The following ETF1 variants were observed in gnomAD, a reference collection of about 807,000 sequenced individuals.
ETF1 encodes the protein eukaryotic peptide chain release factor subunit 1.
Under a neutral mutation model 55.1 loss-of-function variants are expected in ETF1, and 4 were observed. That is an observed-to-expected ratio of 0.07 (90% CI 0.04 to 0.17). The LOEUF (loss-of-function observed/expected upper bound fraction) is 0.17. ETF1 is among the 10% of genes least tolerant of loss of function. The probability of loss-of-function intolerance (pLI) is 1.00; values close to 1 mark genes in which losing one functional copy is unlikely to be tolerated. For synonymous variants in ETF1, 157 were observed against 182.3 expected (o/e 0.86, Z 1.12); for missense variants, 142 against 523.6 (o/e 0.27, Z 7.11).
chr5:138,542,782 G>A (rs1277622567), intron 2 of ETF1, 51 bp downstream of exon 2: 1 of 1,603,136 alleles, frequency 6.2e-7, no homozygotes, highest in Admixed American at 1.7e-5. Context: ...CGTCCATCCT[G>A]AGGGGTCCGG....
At chr5:138,542,666 A>G in intron 2 of ETF1, 167 bp downstream of exon 2, 1 of 1,439,278 alleles carries the variant, frequency 6.9e-7, no homozygotes, top group Non-Finnish European at 9.1e-7. Context: ...TTCTCGGGCC[A>G]ACCGCGCCGA....
intron 2 of ETF1, among the ~76,000 whole-genome samples, chr5:138,525,674 G>A (rs889955993): frequency 4.6e-5 from 7 of 152,010 alleles, no homozygotes; most frequent in African/African-American, 1.4e-4. Flanking sequence ...GGCCAGGCGC[G>A]GTAGCTCATA....
In ETF1 at chr5:138,511,523, T is replaced by C. The variant is rs1453087543; in HGVS notation, c.814A>G (p.Thr272Ala). 5 of 1,613,598 alleles carry C rather than the reference T, an allele frequency of 3.1e-6. No homozygotes were observed. Among genetic ancestry groups the C allele is most frequent in the African/African-American group, 2.7e-5 (2 of 74,894 alleles). ...NGFNQAIELSTEVLSNVKFIQ... is the reference protein window; with the variant it reads ...NGFNQAIELSAEVLSNVKFIQ... ...AATTTCACGTTGGAGAGGACTTCAGTAGATAACTCAATAGCTTGGTTGAAT... is the reference window on the plus strand; with the variant it reads ...AATTTCACGTTGGAGAGGACTTCAGCAGATAACTCAATAGCTTGGTTGAAT... The change falls in exon 7 of 11, where the codon ACT becomes GCT. Residue 272 changes from threonine to alanine, a missense_variant. Physicochemically the swap from Thr to Ala is moderately conservative, Grantham distance 58 (BLOSUM62 0). Transcript: ENST00000360541.
At chr5:138,519,136 A>G (rs2127084796) in intron 2 of ETF1, 2 of 984,520 alleles carry the variant, frequency 2.0e-6, no homozygotes, top group South Asian at 4.7e-5. Context: ...GAAACACCTC[A>G]TTTCCTAAAG....
intron 9 of ETF1, 116 bp downstream of exon 9, chr5:138,510,449 G>A: frequency 9.5e-6 from 4 of 419,410 alleles, no homozygotes; most frequent in South Asian, 2.2e-5. Context: ...ACCTCCCACA[G>A]CACCCCCAAT....
intron 2 of ETF1, chr5:138,542,522 G>A (rs892930959): frequency 6.9e-6 from 6 of 870,736 alleles, no homozygotes; most frequent in African/African-American, 1.8e-5. Context: ...GCAGCACCTG[G>A]AGCCCGAAGA....
chr5:138,533,053 C>A (rs1234075333), intron 2 of ETF1, among the ~76,000 whole-genome samples: 2 of 152,060 alleles, frequency 1.3e-5, no homozygotes, highest in Admixed American at 6.6e-5. Context: ...AATTCTCTTG[C>A]CTCAGCCTCC....
chr5:138,539,741 T>C (rs1766095958), intron 2 of ETF1, among the ~76,000 whole-genome samples: 1 of 152,230 alleles, frequency 6.6e-6, no homozygotes, highest in Non-Finnish European at 1.5e-5. Context: ...TAAATGCTCT[T>C]CTACACACGT....
At position 138,537,938 on chromosome 5, in the gene ETF1, G is replaced by A. The variant is rs1189908013; in HGVS notation, c.86+4895C>T. 2.7e-5 allele frequency among the ~76,000 whole-genome samples: 4 copies of A among 147,432 alleles called. 1 individual carries two copies. The highest frequency in any genetic ancestry group is 2.0e-4 in the East Asian group (1 of 5,094). On this transcript the variant is annotated intron_variant, in intron 2 of 10. Coordinates refer to ENST00000360541, the MANE Select transcript of ETF1 (RefSeq NM_004730.4). ...ACTGAGTTTTGCTCTTGTTGCCCAG[G>A]CTGGAGTGCAATGGCGCAATCTCGG...
At chr5:138,535,278 A>C (rs370611403) in intron 2 of ETF1, among the ~76,000 whole-genome samples, 12 of 151,908 alleles carry the variant, frequency 7.9e-5, no homozygotes, top group African/African-American at 2.7e-4. Flanking sequence ...GAAGAAGAAG[A>C]AAGCATTAGT....
chr5:138,523,394 C>T (rs1486159915), intron 2 of ETF1, among the ~76,000 whole-genome samples: 12 of 151,732 alleles, frequency 7.9e-5, no homozygotes, highest in African/African-American at 1.5e-4. Flanking sequence ...ATTAGCCGAG[C>T]GTGGTGGCAT....
intron 5 of ETF1, 83 bp from the exon 6 acceptor site, chr5:138,513,037 C>T: frequency 7.0e-7 from 1 of 1,423,436 alleles, no homozygotes; most frequent in Non-Finnish European, 9.1e-7. Context: ...ATAATCATGT[C>T]ATCATCTAAG....
intron 2 of ETF1, among the ~76,000 whole-genome samples, chr5:138,532,437 A>G (rs1414094862): frequency 1.3e-5 from 2 of 152,194 alleles, no homozygotes; most frequent in Non-Finnish European, 2.9e-5. Context: ...GAGATCATAT[A>G]TGTCAAGTGC....
rs1206198055 is a variant in ETF1 at position 138,507,529 on chromosome 5, G to A, written c.*776C>T. On this transcript the variant is annotated 3_prime_UTR_variant, in exon 11 of 11. Coordinates refer to ENST00000360541, the MANE Select transcript of ETF1 (RefSeq NM_004730.4). ...TCCATCCCAAACCGGTTTCGAGTAG[G>A]TTAAGGTTATAGGGACCCTTGTCAG... is the stretch of plus-strand genomic sequence containing the variant. 1 of 152,616 alleles carries A rather than the reference G, an allele frequency of 6.6e-6. No individual in the cohort carries two copies. The highest frequency in any genetic ancestry group is 1.5e-5 in the Non-Finnish European group (1 of 68,038). 9.5% of individuals were successfully genotyped at this position (152,616 alleles called of 1,614,324 possible).
chr5:138,523,433 C>A (rs1200748933), intron 2 of ETF1, among the ~76,000 whole-genome samples: 1 of 149,376 alleles, frequency 6.7e-6, no homozygotes, highest in Non-Finnish European at 1.5e-5. Context: ...ACTGGGGAGG[C>A]TGAGGCAGGA....
chr5:138,536,529 T>G (rs537995250), intron 2 of ETF1, among the ~76,000 whole-genome samples: 1 of 152,308 alleles, frequency 6.6e-6, no homozygotes, highest in African/African-American at 2.4e-5. Context: ...TGAACCTTCC[T>G]AATTCCTTCT....
At chr5:138,509,141 T>C in intron 9 of ETF1, 1 of 985,376 alleles carries the variant, frequency 1.0e-6, no homozygotes, top group Non-Finnish European at 1.2e-6. Flanking sequence ...GCAGCACCCA[T>C]TCAATGGCTC....
intron 2 of ETF1, among the ~76,000 whole-genome samples, chr5:138,541,988 T>C (rs1454398322): frequency 6.6e-6 from 1 of 152,146 alleles, no homozygotes; most frequent in African/African-American, 2.4e-5. Context: ...TCAAAGCCCA[T>C]TTAATTCAAT....
intron 5 of ETF1, 176 bp downstream of exon 5, chr5:138,513,392 G>C (rs979546961): frequency 1.7e-5 from 5 of 301,854 alleles, no homozygotes; most frequent in Non-Finnish European, 2.4e-5. Flanking sequence ...TCACATTTTT[G>C]TATTTTTAGT....
Sources: gnomAD v4.1 joint callset for allele counts (sites outside exome capture counted in the v4.1 genomes callset) on GRCh38, gnomAD v4.1.1 for gene constraint, MANE v1.5 for transcripts, NCBI Gene and HGNC (gene_info 2026-07-23, HGNC 2026-07-21) for gene names.